The following GPHN variants were observed in gnomAD, a reference collection of about 807,000 sequenced individuals.
GPHN encodes the protein gephyrin.
GPHN carries 17 observed loss-of-function variants against 95.5 expected under a neutral mutation model. The ratio of observed to expected loss-of-function variants is 0.18; its 90% CI spans 0.12 to 0.27. GPHN has a LOEUF of 0.27. Among genes scored for constraint, GPHN ranks in the 10% least tolerant of loss-of-function variants. The pLI is 1.00. For missense variants in GPHN, 660 were observed against 978.1 expected (o/e 0.67, Z 4.34); for synonymous variants, 320 against 322.5 (o/e 0.99, Z 0.08).
chr14:66,942,171 C>G (rs923366890), intron 8 of GPHN, among the ~76,000 whole-genome samples: 3 of 152,122 alleles, frequency 2.0e-5, no homozygotes, highest in Non-Finnish European at 4.4e-5. Context: ...GCCACCACAC[C>G]CAGCTAATTT....
chr14:66,952,989 G>A (rs1435527853), intron 8 of GPHN, among the ~76,000 whole-genome samples: 1 of 150,970 alleles, frequency 6.6e-6, no homozygotes, highest in Non-Finnish European at 1.5e-5. Context: ...CCACTGCACC[G>A]GGCCTTCTTT....
At chr14:66,723,486 G>T (rs1176020081) in intron 2 of GPHN, among the ~76,000 whole-genome samples, 1 of 151,930 alleles carries the variant, frequency 6.6e-6, no homozygotes, top group Non-Finnish European at 1.5e-5. Flanking sequence ...CTGCTCAAAG[G>T]TAGATATTCT....
intron 2 of GPHN, among the ~76,000 whole-genome samples, chr14:66,687,414 G>A (rs561334137): frequency 1.2e-4 from 18 of 150,770 alleles, no homozygotes; most frequent in South Asian, 6.3e-4. Context: ...TAGAGATTGC[G>A]TTGAATCTAT....
intron 21 of GPHN, among the ~76,000 whole-genome samples, chr14:67,178,724 C>G (rs932194021): frequency 2.6e-5 from 4 of 152,138 alleles, no homozygotes; most frequent in African/African-American, 9.7e-5. Flanking sequence ...ACATCCAGAT[C>G]CAGGAAGTTC....
At chr14:67,476,914 T>G in the GPHN span, among the ~76,000 whole-genome samples, 1 of 151,826 alleles carries the variant, frequency 6.6e-6, no homozygotes, top group Non-Finnish European at 1.5e-5. Flanking sequence ...TCACCTGAGG[T>G]CAGGAGTTCA....
At chr14:66,907,828 T>C (rs535604709) in intron 5 of GPHN, among the ~76,000 whole-genome samples, 40 of 152,066 alleles carry the variant, frequency 2.6e-4, no homozygotes, top group Non-Finnish European at 4.3e-4. Flanking sequence ...AATTGAACAG[T>C]TAATAAATGG....
At chr14:66,930,764 G>T (rs983665366) in intron 8 of GPHN, among the ~76,000 whole-genome samples, 1 of 151,980 alleles carries the variant, frequency 6.6e-6, no homozygotes, top group Admixed American at 6.6e-5. Context: ...GGGCTCAAGC[G>T]ATCCACCCAC....
chr14:66,845,483 T>C (rs2062280877), intron 4 of GPHN, among the ~76,000 whole-genome samples: 1 of 152,058 alleles, frequency 6.6e-6, no homozygotes, highest in African/African-American at 2.4e-5. Context: ...CAAAAATGAT[T>C]CTGAAGAAAG....
chr14:67,082,810 A>G (rs2076743781), intron 11 of GPHN, among the ~76,000 whole-genome samples: 1 of 152,198 alleles, frequency 6.6e-6, no homozygotes, highest in African/African-American at 2.4e-5. Context: ...TTCCAAAAAT[A>G]CATCATTTCT....
intron 5 of GPHN, among the ~76,000 whole-genome samples, chr14:66,889,832 G>A (rs963310273): frequency 1.3e-5 from 2 of 151,652 alleles, no homozygotes; most frequent in Admixed American, 1.3e-4. Flanking sequence ...GCTAAAGTTG[G>A]TTCTTCAAAA....
At chr14:67,473,692 G>A in the GPHN span, 6 of 1,588,178 alleles carry the variant, frequency 3.8e-6, no homozygotes, top group African/African-American at 1.3e-5. This position sits in a 1 kb window ranked among gnomAD's most constrained non-coding sequence, Gnocchi z 6.5. Flanking sequence ...GTGTAGATGA[G>A]GCAGCGCAGG....
intron 9 of GPHN, among the ~76,000 whole-genome samples, chr14:66,967,482 A>G (rs1174312131): frequency 6.6e-6 from 1 of 151,944 alleles, no homozygotes; most frequent in Non-Finnish European, 1.5e-5. Context: ...CATATATTAC[A>G]GGTTGAGTAT....
chr14:67,311,400 C>T, the GPHN span, among the ~76,000 whole-genome samples: 1 of 150,658 alleles, frequency 6.6e-6, no homozygotes, highest in Admixed American at 6.6e-5. Flanking sequence ...TTGCTTGGTT[C>T]GTTGAGCCTG....
chr14:67,016,284 C>T (rs955048258), intron 9 of GPHN, among the ~76,000 whole-genome samples: 6 of 151,576 alleles, frequency 4.0e-5, no homozygotes, highest in African/African-American at 9.7e-5. Flanking sequence ...ATTAGAAAAC[C>T]AATTCAAATC....
chr14:67,287,824 C>A, the GPHN span, among the ~76,000 whole-genome samples: 1 of 152,206 alleles, frequency 6.6e-6, no homozygotes, highest in East Asian at 1.9e-4. Flanking sequence ...CAGTAGTTAA[C>A]AGCCGAAAGG....
chr14:66,646,457 CA>C (rs2064748727), intron 1 of GPHN, among the ~76,000 whole-genome samples: 1 of 151,842 alleles, frequency 6.6e-6, no homozygotes, highest in Admixed American at 6.6e-5. Flanking sequence ...TGTACAATTC[CA>C]AGAATTGAAG....
chr14:66,965,627 T>C (rs1233117170), intron 9 of GPHN, among the ~76,000 whole-genome samples: 1 of 152,160 alleles, frequency 6.6e-6, no homozygotes. Context: ...ACATTATAGA[T>C]GTAAAGTTAT....
chr14:66,816,551 CTGTT>C (rs748245519), intron 3 of GPHN, among the ~76,000 whole-genome samples: 1 of 152,142 alleles, frequency 6.6e-6, no homozygotes, highest in Non-Finnish European at 1.5e-5. Context: ...TCCTGAATGA[CTGTT>C]TGGTAAATAA....
At chr14:67,661,429 C>T in the GPHN span, among the ~76,000 whole-genome samples, 1 of 151,584 alleles carries the variant, frequency 6.6e-6, no homozygotes, top group South Asian at 2.1e-4. Context: ...GAGGTACCAA[C>T]TCCAGCTCCT....
Sources: allele counts gnomAD v4.1 joint callset (sites outside exome capture counted in the v4.1 genomes callset), GRCh38; gene constraint gnomAD v4.1.1; non-coding constraint Gnocchi (gnomAD v3.1); transcripts MANE v1.5; gene names NCBI Gene and HGNC (gene_info 2026-07-23, HGNC 2026-07-21).